The following DHH variants were observed in gnomAD, a reference collection of about 807,000 sequenced individuals.
The protein encoded by DHH is desert hedgehog signaling molecule.
Under a neutral mutation model 27.6 loss-of-function variants are expected in DHH, and 16 were observed. The ratio of observed to expected loss-of-function variants is 0.58; its 90% CI spans 0.39 to 0.88. The LOEUF is 0.88. Ranked by LOEUF, DHH falls within the 40% of genes least tolerant of loss-of-function variation. The pLI, the probability that DHH is intolerant of heterozygous loss-of-function variation, is 0.00. For missense variants in DHH, 436 were observed against 563.1 expected (o/e 0.77, Z 2.28); for synonymous variants, 289 against 263.4 (o/e 1.10, Z -0.94).
In DHH at chr12:49,090,395, G is replaced by C. The variant is rs1939277311; in HGVS notation, c.655C>G (p.Leu219Val). ...GCCAAAACCCAGTCTCCGCGGTGCA[G>C]TTCCCGCAGCCCTTTCCGCTCGCCG... The part of the protein sequence containing the change: ...WSGERKGLRE[L>V]HRGDWVLAAD... Residue 219 changes from leucine (L) to valine (V), a missense_variant, in exon 3 of 3, where the codon CTG becomes GTG. Transcript: ENST00000649637. The surrounding 1 kb of genome is among the most constrained non-coding windows in gnomAD (Gnocchi z 5.2). 1.2e-6 allele frequency: 2 copies of C among 1,609,674 alleles called. No individual in the cohort carries two copies. Among genetic ancestry groups the C allele is most frequent in the East Asian group, 2.2e-5 (1 of 44,792 alleles).
In DHH at chr12:49,094,302, A is replaced by AGCCCCTT; in HGVS notation, c.204_210dup (p.Ser71LysfsTer22). On this transcript the variant is annotated frameshift_variant, in exon 1 of 3. Transcript: ENST00000649637. LOFTEE classifies it high-confidence loss of function. ...GGCACGAGGTCCCGGAAGCGCTCGG[A>AGCCCCTT]GCCCCTTGCCACCCTCCCCTCCGCT... 6.2e-7 allele frequency: 1 copy of AGCCCCTT among 1,613,338 alleles called. No individual in the cohort carries two copies.
chr12:49,089,608 G>C lies in DHH; in HGVS notation c.*251C>G. The C allele has an allele frequency of 2.5e-6, 1 of 395,626 alleles. No homozygotes were observed. The highest frequency in any genetic ancestry group is 4.5e-6 in the Non-Finnish European group (1 of 224,580). 24.5% of individuals were successfully genotyped at this position (395,626 alleles called of 1,614,324 possible). ...AGAAATAAAATAAAATTATCGGGTG[G>C]GGCTGAAGCACTGGGGGAGAGGCTA... On this transcript the variant is annotated 3_prime_UTR_variant, in exon 3 of 3. Transcript: ENST00000649637.
At position 49,090,251 on chromosome 12, in the gene DHH, G is replaced by A; in HGVS notation, c.799C>T (p.Leu267Phe). Residue 267 changes from leucine to phenylalanine, a missense_variant, in exon 3 of 3, where the codon CTC becomes TTC. Physicochemically the swap from Leu to Phe is conservative, Grantham distance 22. Coordinates refer to ENST00000649637, the MANE Select transcript of DHH (RefSeq NM_021044.4). This position sits in a 1 kb window ranked among gnomAD's most constrained non-coding sequence, Gnocchi z 5.2. ...ETEWPPRKLL[L>F]TPWHLVFAAR... ...GCAAACACCAGGTGCCAGGGCGTGAGCAACAGTTTGCGTGGAGGCCACTCG... is the reference window on the plus strand; with the variant it reads ...GCAAACACCAGGTGCCAGGGCGTGAACAACAGTTTGCGTGGAGGCCACTCG... The A allele has an allele frequency of 6.4e-7, 1 of 1,565,962 alleles. No individual in the cohort carries two copies. The highest frequency in any genetic ancestry group is 8.7e-7 in the Non-Finnish European group (1 of 1,156,010).
chr12:49,093,401 AAAAT>A (rs1939338364), intron 1 of DHH: 1 of 152,238 alleles, frequency 6.6e-6, no homozygotes, highest in Non-Finnish European at 1.5e-5. Context: ...CAAAAAATAA[AAAAT>A]AAATCACTCG....
Position 49,089,189 on chromosome 12 carries a change from G to T in DHH, c.*670C>A, listed in dbSNP as rs1431697598. On this transcript the variant is annotated 3_prime_UTR_variant, in exon 3 of 3. Coordinates refer to ENST00000649637, the MANE Select transcript of DHH (RefSeq NM_021044.4). ...TGGGACAACCCTGGACCCTTCAGCC[G>T]CAGGAGCGAAATGCTGGTCCTCTCT... Among the ~76,000 whole-genome samples the T allele has an allele frequency of 1.3e-5, 2 of 152,262 alleles. No individual in the cohort carries two copies. The highest frequency in any genetic ancestry group is 4.8e-5 in the African/African-American group (2 of 41,482).
chr12:49,089,618 A>G lies in DHH; in HGVS notation c.*241T>C. 3 of 403,232 alleles carry G rather than the reference A, an allele frequency of 7.4e-6. No individual in the cohort carries two copies. The highest frequency in any genetic ancestry group is 1.3e-5 in the Non-Finnish European group (3 of 229,608). 25.0% of individuals were successfully genotyped at this position (403,232 alleles called of 1,614,324 possible). The stretch of plus-strand genomic sequence containing the variant: ...TAAAATTATCGGGTGGGGCTGAAGC[A>G]CTGGGGGAGAGGCTAAATAGTCCTC... On this transcript the variant is annotated 3_prime_UTR_variant, in exon 3 of 3. Transcript: ENST00000649637.
chr12:49,090,234 C>A lies in DHH; in HGVS notation c.816G>T (p.Leu272=), dbSNP rs1381843132. 4 of 1,560,352 alleles carry A rather than the reference C, an allele frequency of 2.6e-6. No homozygotes were observed. The highest frequency in any genetic ancestry group is 3.5e-6 in the Non-Finnish European group (4 of 1,152,846). The stretch of plus-strand genomic sequence containing the variant: ...GCGCCGGCCCTCGAGCGGCAAACAC[C>A]AGGTGCCAGGGCGTGAGCAACAGTT... ...PRKLLLTPWH[L]VFAARGPAPA... Residue 272 remains leucine, a synonymous_variant, in exon 3 of 3, where the codon CTG becomes CTT. Transcript: ENST00000649637. The surrounding 1 kb of genome is among the most constrained non-coding windows in gnomAD (Gnocchi z 5.2).
rs1555142407 is a variant in DHH at position 49,090,711 on chromosome 12, G to GTATGTATT, written c.566-228_566-227insAATACATA. ...TGTATGTATGTATGTATGTATGTAT[G>GTATGTATT]TATTTTGAGATAGAATCTCGCTCTG... is the stretch of plus-strand genomic sequence containing the variant. On this transcript the variant is annotated intron_variant, in intron 2 of 2. Coordinates refer to ENST00000649637, the MANE Select transcript of DHH (RefSeq NM_021044.4). The surrounding 1 kb of genome is among the most constrained non-coding windows in gnomAD (Gnocchi z 5.2). 0.024 allele frequency among the ~76,000 whole-genome samples: 3,106 copies of GTATGTATT among 129,092 alleles called. 41 individuals are homozygous for GTATGTATT. Among genetic ancestry groups the GTATGTATT allele is most frequent in the East Asian group, 0.055 (249 of 4,504 alleles). 84.7% of individuals were successfully genotyped at this position (129,092 alleles called of 152,430 possible). A position where few individuals can be genotyped will look rare whatever the true frequency, so the allele number is the denominator to read the frequency against.
In DHH at chr12:49,090,667, CTATGTATGTATGTATGTATG is replaced by C. The variant is rs35343506; in HGVS notation, c.566-203_566-184del. 4.1e-5 allele frequency among the ~76,000 whole-genome samples: 6 copies of C among 145,562 alleles called. No homozygotes were observed. The highest frequency in any genetic ancestry group is 1.3e-4 in the African/African-American group (5 of 39,438). On this transcript the variant is annotated intron_variant, in intron 2 of 2. Coordinates refer to ENST00000649637, the MANE Select transcript of DHH (RefSeq NM_021044.4). The surrounding 1 kb of genome is among the most constrained non-coding windows in gnomAD (Gnocchi z 5.2). ...TTTCTTTTCCTTTTTCTTCTCTTTT[CTATGTATGTATGTATGTATG>C]TATGTATGTATGTATGTATGTATGT...
In DHH at chr12:49,091,362, C is replaced by T; in HGVS notation, c.331G>A (p.Ala111Thr). Residue 111 changes from alanine to threonine, a missense_variant, in exon 2 of 3, where the codon GCC (alanine) becomes ACC (threonine). By Grantham distance (58) the Ala-to-Thr change is moderately conservative (BLOSUM62 0). Transcript: ENST00000649637. The surrounding 1 kb of genome is among the most constrained non-coding windows in gnomAD (Gnocchi z 4.8). ...GGCCACATGTTCATCACGGCAATGG[C>T]CAAAGCGTTCACCCGCTCCTTACAA... ...ERCKERVNAL[A>T]IAVMNMWPGV... 1.2e-6 allele frequency: 2 copies of T among 1,614,192 alleles called. No individual in the cohort carries two copies. Among genetic ancestry groups the T allele is most frequent in the Non-Finnish European group, 1.7e-6 (2 of 1,180,034 alleles).
Position 49,091,224 on chromosome 12 carries a change from T to TA in DHH, c.468_469insT (p.Asn157Ter). On this transcript the variant is annotated frameshift_variant, in exon 2 of 3. Transcript: ENST00000649637. LOFTEE classifies it high-confidence loss of function. The surrounding 1 kb of genome is among the most constrained non-coding windows in gnomAD (Gnocchi z 4.8). ...AGGCGCGCCAGCAACCCATACTTGTTGCGGTCGCGGTCAGACGTAGTGATG... is the reference window on the plus strand; with the variant it reads ...AGGCGCGCCAGCAACCCATACTTGTTAGCGGTCGCGGTCAGACGTAGTGATG... 1 of 1,614,200 alleles carries TA rather than the reference T, an allele frequency of 6.2e-7. No homozygotes were observed. Among genetic ancestry groups the TA allele is most frequent in the Non-Finnish European group, 8.5e-7 (1 of 1,180,040 alleles).
chr12:49,088,414 G>A lies in DHH; in HGVS notation c.*1445C>T, dbSNP rs75657089. Among the ~76,000 whole-genome samples the A allele has an allele frequency of 0.021, 3,179 of 152,270 alleles. 61 individuals carry two copies. The highest frequency in any genetic ancestry group is 0.075 in the Middle Eastern group (22 of 294). On this transcript the variant is annotated 3_prime_UTR_variant, in exon 3 of 3. Coordinates refer to ENST00000649637, the MANE Select transcript of DHH (RefSeq NM_021044.4). ...TCAGAGAACCATATGCATAGGCCTA[G>A]AATTCTCTTGAAGGCCACCAGAGGG...
At chr12:49,094,169 C>G in intron 1 of DHH, 41 bp downstream of exon 1, 3 of 1,610,876 alleles carry the variant, frequency 1.9e-6, no homozygotes, top group Non-Finnish European at 2.5e-6. Context: ...AACGGAGGAG[C>G]TGGCAGTGCC....
chr12:49,094,427 G>A lies in DHH; in HGVS notation c.86C>T (p.Pro29Leu). The A allele has an allele frequency of 1.9e-6, 3 of 1,606,212 alleles. No individual in the cohort carries two copies. The highest frequency in any genetic ancestry group is 1.7e-5 in the Admixed American group (1 of 59,022). ...GCGCGCATAGCGGCGCCGGCCAACC[G>A]GCCCCCGGCCCGGCCCGCAGCTCTG... is the stretch of plus-strand genomic sequence containing the variant. The part of the protein sequence containing the change: ...PAQSCGPGRG[P>L]VGRRRYARKQ... The change falls in exon 1 of 3, where the codon CCG (proline) becomes CTG (leucine). Residue 29 changes from proline (P) to leucine (L), a missense_variant. Physicochemically the swap from Pro to Leu is moderately conservative, Grantham distance 98. Transcript: ENST00000649637.
In DHH at chr12:49,090,204, C is replaced by A. The variant is rs775844423; in HGVS notation, c.846G>T (p.Ala282=). The A allele has an allele frequency of 5.2e-6, 8 of 1,551,464 alleles. No individual in the cohort carries two copies. The highest frequency in any genetic ancestry group is 6.1e-6 in the Non-Finnish European group (7 of 1,147,864). ...CGAACACCGGTGCAAAGTCGCCTGGCGCGGGCGCCGGCCCTCGAGCGGCAA... is the reference window on the plus strand; with the variant it reads ...CGAACACCGGTGCAAAGTCGCCTGGAGCGGGCGCCGGCCCTCGAGCGGCAA... ...LVFAARGPAP[A]PGDFAPVFAR... Residue 282 remains alanine (A), a synonymous_variant, in exon 3 of 3, where the codon GCG becomes GCT. Transcript: ENST00000649637. The surrounding 1 kb of genome is among the most constrained non-coding windows in gnomAD (Gnocchi z 5.2).
intron 1 of DHH, among the ~76,000 whole-genome samples, chr12:49,093,724 T>C (rs971144900): frequency 6.6e-6 from 1 of 152,218 alleles, no homozygotes; most frequent in African/African-American, 2.4e-5. Flanking sequence ...CTCAGGTAGA[T>C]GGTCTGGTGA....
At chr12:49,093,339 G>C (rs1565574806) in intron 1 of DHH, 1 of 152,174 alleles carries the variant, frequency 6.6e-6, no homozygotes, top group Non-Finnish European at 1.5e-5. Context: ...AGGATCCCTT[G>C]AGCTCAGGAG....
chr12:49,090,558 T>C lies in DHH; in HGVS notation c.566-74A>G. 1 of 1,563,394 alleles carries C rather than the reference T, an allele frequency of 6.4e-7. No homozygotes were observed. The highest frequency in any genetic ancestry group is 2.3e-5 in the East Asian group (1 of 43,924). ...GAACGATTCTCAAGGCCAGCGCAGA[T>C]ATCGCCAGTCATGGACAACACAATT... On this transcript the variant is annotated intron_variant, in intron 2 of 2. Transcript: ENST00000649637. This position sits in a 1 kb window ranked among gnomAD's most constrained non-coding sequence, Gnocchi z 5.2.
chr12:49,094,696 G>A lies in DHH; in HGVS notation c.-184C>T. ...TGCCCACGTGCCCCGGGAGCGGGCGGGGGGTGTCTAGGACCTGCTACTGAC... is the reference window on the plus strand; with the variant it reads ...TGCCCACGTGCCCCGGGAGCGGGCGAGGGGTGTCTAGGACCTGCTACTGAC... On this transcript the variant is annotated 5_prime_UTR_variant, in exon 1 of 3. Transcript: ENST00000649637. 1 of 754,492 alleles carries A rather than the reference G, an allele frequency of 1.3e-6. No homozygotes were observed. Among genetic ancestry groups the A allele is most frequent in the South Asian group, 1.6e-5 (1 of 60,868 alleles). 46.7% of individuals were successfully genotyped at this position (754,492 alleles called of 1,614,324 possible). A position where few individuals can be genotyped will look rare whatever the true frequency, so the allele number is the denominator to read the frequency against.
Sources: allele counts gnomAD v4.1 joint callset (sites outside exome capture counted in the v4.1 genomes callset), GRCh38; gene constraint gnomAD v4.1.1; non-coding constraint Gnocchi (gnomAD v3.1); transcripts MANE v1.5; gene names NCBI Gene and HGNC (gene_info 2026-07-23, HGNC 2026-07-21).